ADHFE1: variants seen among roughly 807,000 people sequenced by gnomAD.
ADHFE1 encodes hydroxyacid-oxoacid transhydrogenase, mitochondrial.
A neutral mutation model predicts 54.8 loss-of-function variants in ADHFE1; 37 were observed. The ratio of observed to expected loss-of-function variants is 0.68; its 90% CI spans 0.52 to 0.89. The LOEUF (loss-of-function observed/expected upper bound fraction) is 0.89. Among genes scored for constraint, ADHFE1 ranks in the 40% least tolerant of loss-of-function variants. The pLI, the probability that ADHFE1 is intolerant of heterozygous loss-of-function variation, is 0.00. For missense variants in ADHFE1, 601 were observed against 591.2 expected, an observed-to-expected ratio of 1.02 and a Z score of -0.17; for synonymous variants, 203 against 229.3, an observed-to-expected ratio of 0.89 and a Z score of 1.04.
intron 10 of ADHFE1, 76 bp from the exon 11 acceptor site, chr8:66,456,741 C>A: frequency 8.9e-7 from 1 of 1,120,838 alleles, no homozygotes; most frequent in Non-Finnish European, 1.3e-6. Flanking sequence ...CAGGCATCCC[C>A]ATAAGAGTAT....
At chr8:66,464,195 C>T (rs1417349716) in intron 13 of ADHFE1, among the ~76,000 whole-genome samples, 1 of 152,150 alleles carries the variant, frequency 6.6e-6, no homozygotes, top group Non-Finnish European at 1.5e-5. Flanking sequence ...AATAATAGCA[C>T]ATCATTGCTT....
At position 66,452,071 on chromosome 8, in the gene ADHFE1, C is replaced by A. The variant is rs1398455342; in HGVS notation, c.853C>A (p.His285Asn). 1 of 1,614,210 alleles carries A rather than the reference C, an allele frequency of 6.2e-7. No homozygotes were observed. The highest frequency in any genetic ancestry group is 1.7e-5 in the Admixed American group (1 of 60,022). Residue 285 changes from histidine (H) to asparagine (N), a missense_variant, in exon 9 of 14, where the codon CAC becomes AAC. By Grantham distance (68) the His-to-Asn change is moderately conservative (BLOSUM62 1). Coordinates refer to ENST00000396623, the MANE Select transcript of ADHFE1 (RefSeq NM_144650.3). ...SNPISDIWAI[H>N]ALRIVAKYLK... ...CCCAATCAGTGACATTTGGGCTATC[C>A]ACGCGCTGCGGATCGTGGCTAAGTA...
chr8:66,447,493 T>A, intron 7 of ADHFE1, 152 bp downstream of exon 7: 1 of 663,998 alleles, frequency 1.5e-6, no homozygotes, highest in Non-Finnish European at 2.5e-6. Flanking sequence ...AGCAACAAAG[T>A]ATTGTATATT....
chr8:66,438,397 T>A (rs1002353011), intron 1 of ADHFE1, among the ~76,000 whole-genome samples: 3 of 151,976 alleles, frequency 2.0e-5, no homozygotes, highest in African/African-American at 7.3e-5. Flanking sequence ...ATTTAAGGAA[T>A]GGGCAGAGTG....
rs149059314 is a variant in ADHFE1 at position 66,447,920 on chromosome 8, T to G, written c.628+579T>G. ...ATCAATTTTATTGAGATATGACTTT[T>G]GTATAATAAAATGCACACATTTTAA... On this transcript the variant is annotated intron_variant, in intron 7 of 13. Transcript: ENST00000396623. 3.5e-3 allele frequency among the ~76,000 whole-genome samples: 536 copies of G among 152,366 alleles called. 4 individuals are homozygous for G. The highest frequency in any genetic ancestry group is 0.012 in the African/African-American group (518 of 41,584).
At chr8:66,460,084 A>G (rs1448487220) in intron 12 of ADHFE1, 2 of 519,688 alleles carry the variant, frequency 3.8e-6, no homozygotes, top group Non-Finnish European at 6.9e-6. Context: ...TTCCTACCAC[A>G]CAAGGGGCAA....
rs374234256 is a variant in ADHFE1 at position 66,439,660 on chromosome 8, G to A, written c.60-502G>A. The A allele has an allele frequency of 1.6e-5, 16 of 985,930 alleles. No homozygotes were observed. The African/African-American group carries it at 2.4e-4, about 15-fold the overall frequency. 61.1% of individuals were successfully genotyped at this position (985,930 alleles called of 1,614,324 possible). On this transcript the variant is annotated intron_variant, in intron 1 of 13. Transcript: ENST00000396623. This position sits in a 1 kb window ranked among gnomAD's most constrained non-coding sequence, Gnocchi z 4.4. ...CCAGGGAGGTCTTTGGGTCCAGGAA[G>A]TTCTCCTGGAGGCTCAGGTCTAGAG...
intron 8 of ADHFE1, among the ~76,000 whole-genome samples, chr8:66,451,139 A>T (rs957588642): frequency 6.6e-6 from 1 of 152,206 alleles, no homozygotes; most frequent in African/African-American, 2.4e-5. Context: ...GTAGACGGTG[A>T]TGTCTGTTCT....
chr8:66,446,847 A>G (rs528757154), intron 6 of ADHFE1, among the ~76,000 whole-genome samples: 5 of 152,364 alleles, frequency 3.3e-5, no homozygotes, highest in South Asian at 2.1e-4. Flanking sequence ...AGACACAGAC[A>G]TTATGCATAT....
At chr8:66,461,945 C>A (rs1239222582) in intron 13 of ADHFE1, among the ~76,000 whole-genome samples, 1 of 151,956 alleles carries the variant, frequency 6.6e-6, no homozygotes, top group Non-Finnish European at 1.5e-5. Flanking sequence ...CTAACCCATA[C>A]GTCCAAGGGA....
Position 66,439,207 on chromosome 8 carries a change from A to G in ADHFE1, c.60-955A>G, listed in dbSNP as rs188445762. ...GATCAACCCTTTTCCTTCCTCCCCA[A>G]CCTTCCCCCTCGGGTGTTTTAATTC... On this transcript the variant is annotated intron_variant, in intron 1 of 13. Transcript: ENST00000396623. The surrounding 1 kb of genome is among the most constrained non-coding windows in gnomAD (Gnocchi z 4.4). 4.1e-6 allele frequency: 4 copies of G among 985,290 alleles called. No individual in the cohort carries two copies. In the African/African-American group the frequency reaches 7.0e-5, roughly 17 times the overall value. The allele number at this position is 985,290 out of a possible 1,614,324, so 61.0% of individuals were successfully genotyped here.
At chr8:66,441,765 G>A (rs1239812733) in intron 2 of ADHFE1, among the ~76,000 whole-genome samples, 1 of 151,990 alleles carries the variant, frequency 6.6e-6, no homozygotes, top group African/African-American at 2.4e-5. Context: ...CGGAGGCCGG[G>A]GTGGGTGGAT....
intron 1 of ADHFE1, among the ~76,000 whole-genome samples, chr8:66,437,771 G>T (rs1416112540): frequency 6.6e-6 from 1 of 152,192 alleles, no homozygotes; most frequent in Non-Finnish European, 1.5e-5. Flanking sequence ...TCCACAGGCA[G>T]AAAGAAGCAG....
Position 66,447,427 on chromosome 8 carries a change from A to T in ADHFE1, c.628+86A>T. 3.4e-6 allele frequency: 4 copies of T among 1,171,000 alleles called. No homozygotes were observed. The Middle Eastern group carries it at 6.3e-4, about 184-fold the overall frequency. 72.5% of individuals were successfully genotyped at this position (1,171,000 alleles called of 1,614,324 possible). Reference sequence around the variant, plus strand: ...CCTAATATTTAAAAATCAAGCAGTTATGATACAGTTAGAATAAGCCCCAAT... The same window carrying T: ...CCTAATATTTAAAAATCAAGCAGTTTTGATACAGTTAGAATAAGCCCCAAT... On this transcript the variant is annotated intron_variant, in intron 7 of 13. Coordinates refer to ENST00000396623, the MANE Select transcript of ADHFE1 (RefSeq NM_144650.3).
chr8:66,451,246 C>T (rs1308241227), intron 8 of ADHFE1, among the ~76,000 whole-genome samples: 1 of 152,148 alleles, frequency 6.6e-6, no homozygotes, highest in Non-Finnish European at 1.5e-5. Context: ...GTTTACGGTA[C>T]ATAAGAGAAA....
At chr8:66,436,210 C>G (rs56786920) in intron 1 of ADHFE1, among the ~76,000 whole-genome samples, 2,609 of 152,214 alleles carry the variant, frequency 0.017, 67 homozygotes, top group African/African-American at 0.059. Flanking sequence ...AACCACTGTG[C>G]CCAGCCAGGA....
rs368115713 is a variant in ADHFE1, at chr8:66,451,661, C to T, written c.735-292C>T. On this transcript the variant is annotated intron_variant, in intron 8 of 13. Coordinates refer to ENST00000396623, the MANE Select transcript of ADHFE1 (RefSeq NM_144650.3). ...TTTTTTGTTGCTCAAATATATAATT[C>T]GACACCATAAAAATGTATTGACACT... is the stretch of plus-strand genomic sequence containing the variant. Among the ~76,000 whole-genome samples the T allele has an allele frequency of 2.7e-4, 41 of 152,070 alleles. 1 individual carries two copies. Among genetic ancestry groups the T allele is most frequent in the East Asian group, 2.5e-3 (13 of 5,190 alleles).
intron 7 of ADHFE1, among the ~76,000 whole-genome samples, 153 bp downstream of exon 7, chr8:66,447,494 A>G (rs975899457): frequency 6.6e-6 from 1 of 152,244 alleles, no homozygotes; most frequent in South Asian, 2.1e-4. Flanking sequence ...GCAACAAAGT[A>G]TTGTATATTT....
intron 3 of ADHFE1, 131 bp downstream of exon 3, chr8:66,442,975 A>C: frequency 1.2e-6 from 1 of 830,760 alleles, no homozygotes; most frequent in South Asian, 2.0e-5. Context: ...CTATTTGATC[A>C]GACCATATTT....
Sources: allele counts gnomAD v4.1 joint callset (sites outside exome capture counted in the v4.1 genomes callset), GRCh38; gene constraint gnomAD v4.1.1; non-coding constraint Gnocchi (gnomAD v3.1); transcripts MANE v1.5; gene names NCBI Gene and HGNC (gene_info 2026-07-23, HGNC 2026-07-21).